Variants in CAMKMT observed in about 807,000 individuals in gnomAD.
CAMKMT encodes calmodulin-lysine N-methyltransferase.
Under a neutral mutation model 48.0 loss-of-function variants are expected in CAMKMT, and 53 were observed. That is an observed-to-expected ratio of 1.10 (90% CI 0.89 to 1.39). CAMKMT has a LOEUF of 1.39. CAMKMT is among the 40% of genes most tolerant of loss of function. The probability of loss-of-function intolerance (pLI) is 0.00; values close to 1 mark genes in which losing one functional copy is unlikely to be tolerated. For missense variants in CAMKMT, 428 were observed against 402.7 expected, an observed-to-expected ratio of 1.06 and a Z score of -0.54; for synonymous variants, 165 against 152.3, an observed-to-expected ratio of 1.08 and a Z score of -0.61.
At chr2:44,517,613 A>G (rs1189691166) in intron 3 of CAMKMT, among the ~76,000 whole-genome samples, 1 of 152,210 alleles carries the variant, frequency 6.6e-6, no homozygotes, top group East Asian at 1.9e-4. Context: ...TCTCCAAGTA[A>G]TCAGAAAGTA....
intron 3 of CAMKMT, among the ~76,000 whole-genome samples, chr2:44,654,171 G>T (rs1269812342): frequency 6.6e-6 from 1 of 152,112 alleles, no homozygotes. Flanking sequence ...TAGGATTCCT[G>T]TAAATTTCCA....
intron 3 of CAMKMT, among the ~76,000 whole-genome samples, chr2:44,566,184 A>G (rs1668606953): frequency 6.6e-6 from 1 of 152,236 alleles, no homozygotes; most frequent in Non-Finnish European, 1.5e-5. Context: ...TCTGGCATGA[A>G]TCATAATAAA....
chr2:44,456,701 T>A, intron 3 of CAMKMT: 1 of 1,183,290 alleles, frequency 8.5e-7, no homozygotes, highest in Admixed American at 2.4e-5. Context: ...TACCTCTGCT[T>A]GTCTTCATGA....
intron 2 of CAMKMT, among the ~76,000 whole-genome samples, chr2:44,389,557 A>AT (rs941848491): frequency 5.6e-4 from 84 of 150,832 alleles, no homozygotes; most frequent in Admixed American, 3.6e-3. Flanking sequence ...ATTAGCACTA[A>AT]TTTTTTTTTT....
At chr2:44,624,675 A>T (rs1344145745) in intron 3 of CAMKMT, among the ~76,000 whole-genome samples, 2 of 152,210 alleles carry the variant, frequency 1.3e-5, no homozygotes, top group African/African-American at 4.8e-5. Context: ...TTATGGCTGC[A>T]TGGTATTCCA....
chr2:44,515,907 G>C (rs150124409), intron 3 of CAMKMT, among the ~76,000 whole-genome samples: 1 of 152,300 alleles, frequency 6.6e-6, no homozygotes, highest in East Asian at 1.9e-4. Flanking sequence ...CAAATGGGGA[G>C]AGCACAAGCA....
chr2:44,539,283 C>CAAAAA (rs35929999), intron 3 of CAMKMT, among the ~76,000 whole-genome samples: 3 of 117,218 alleles, frequency 2.6e-5, no homozygotes, highest in African/African-American at 9.7e-5. Flanking sequence ...CCAGAAGTCT[C>CAAAAA]AAAAAAAAAA....
chr2:44,676,097 T>C (rs1330994833), intron 3 of CAMKMT, among the ~76,000 whole-genome samples: 1 of 152,216 alleles, frequency 6.6e-6, no homozygotes, highest in Non-Finnish European at 1.5e-5. Flanking sequence ...ATATAAATGG[T>C]GAAACTGTGG....
intron 2 of CAMKMT, among the ~76,000 whole-genome samples, chr2:44,387,244 C>G (rs1191493522): frequency 6.6e-6 from 1 of 152,132 alleles, no homozygotes; most frequent in Non-Finnish European, 1.5e-5. Context: ...TCCTGTTGGA[C>G]AAGGCCTTTT....
At chr2:44,736,965 G>T (rs989338333) in intron 7 of CAMKMT, among the ~76,000 whole-genome samples, 4 of 152,060 alleles carry the variant, frequency 2.6e-5, no homozygotes, top group Non-Finnish European at 5.9e-5. Flanking sequence ...GTCAGTTTTC[G>T]ATTGAGTTCA....
intron 7 of CAMKMT, among the ~76,000 whole-genome samples, chr2:44,723,063 G>A (rs915130418): frequency 3.3e-5 from 5 of 152,276 alleles, no homozygotes; most frequent in African/African-American, 1.2e-4. Flanking sequence ...CCAGAAAAAT[G>A]TAAGTGATAA....
intron 7 of CAMKMT, 27 bp downstream of exon 7, chr2:44,715,380 T>A: frequency 6.4e-7 from 1 of 1,567,280 alleles, no homozygotes; most frequent in Non-Finnish European, 8.7e-7. Context: ...CATTAAAAAA[T>A]TCCCATTGAA....
chr2:44,595,348 T>C (rs1169801909), intron 3 of CAMKMT, among the ~76,000 whole-genome samples: 2 of 152,180 alleles, frequency 1.3e-5, no homozygotes, highest in African/African-American at 4.8e-5. Context: ...GCAGGTGATC[T>C]GCCCGCCTCA....
chr2:44,643,700 A>G (rs1673575994), intron 3 of CAMKMT, among the ~76,000 whole-genome samples: 1 of 152,222 alleles, frequency 6.6e-6, no homozygotes, highest in Non-Finnish European at 1.5e-5. Context: ...AAAAAATTAA[A>G]TATTGTATTT....
intron 3 of CAMKMT, among the ~76,000 whole-genome samples, chr2:44,563,805 C>T (rs1668460264): frequency 6.6e-6 from 1 of 152,184 alleles, no homozygotes; most frequent in Non-Finnish European, 1.5e-5. Flanking sequence ...GACACGAACT[C>T]ATCCTTTTTT....
chr2:44,467,809 A>C (rs1385092462), intron 3 of CAMKMT, among the ~76,000 whole-genome samples: 1 of 152,176 alleles, frequency 6.6e-6, no homozygotes, highest in Non-Finnish European at 1.5e-5. Context: ...CATATGTAGA[A>C]GAATGAAACT....
chr2:44,740,198 G>A (rs1679597028), intron 7 of CAMKMT, among the ~76,000 whole-genome samples: 1 of 147,676 alleles, frequency 6.8e-6, no homozygotes, highest in Admixed American at 6.8e-5. Context: ...GCTAGATCAT[G>A]GCTCACTGCA....
chr2:44,387,389 G>A (rs1303810714), intron 2 of CAMKMT, among the ~76,000 whole-genome samples: 1 of 151,442 alleles, frequency 6.6e-6, no homozygotes, highest in Non-Finnish European at 1.5e-5. Flanking sequence ...ACCCCTTTAA[G>A]TTAAGTGTGA....
chr2:44,614,918 A>G (rs74262151), intron 3 of CAMKMT, among the ~76,000 whole-genome samples: 15 of 116,172 alleles, frequency 1.3e-4, no homozygotes, highest in Non-Finnish European at 1.7e-4. Flanking sequence ...CACTCTAACC[A>G]GCTCTTTGGT....
Sources: gnomAD v4.1 joint callset for allele counts (sites outside exome capture counted in the v4.1 genomes callset) on GRCh38, gnomAD v4.1.1 for gene constraint, MANE v1.5 for transcripts, NCBI Gene and HGNC (gene_info 2026-07-23, HGNC 2026-07-21) for gene names.